The following SHTN1 variants were observed in gnomAD, a reference collection of about 807,000 sequenced individuals.
SHTN1 encodes shootin-1.
A neutral mutation model predicts 83.1 loss-of-function variants in SHTN1; 42 were observed. The ratio of observed to expected loss-of-function variants is 0.51; its 90% CI spans 0.39 to 0.65. The LOEUF is 0.65. Among genes scored for constraint, SHTN1 ranks in the 30% least tolerant of loss-of-function variants. The pLI, the probability that SHTN1 is intolerant of heterozygous loss-of-function variation, is 0.00. For missense variants in SHTN1, 622 were observed against 737.8 expected (o/e 0.84, Z 1.82); for synonymous variants, 224 against 247.7 (o/e 0.90, Z 0.90).
At chr10:116,892,091 C>A (rs1420116904) in intron 16 of SHTN1, among the ~76,000 whole-genome samples, 1 of 152,072 alleles carries the variant, frequency 6.6e-6, no homozygotes, top group Non-Finnish European at 1.5e-5. Context: ...AATGGCTGGG[C>A]AAAGATCTAT....
At chr10:116,966,564 A>C (rs933356173) in intron 3 of SHTN1, among the ~76,000 whole-genome samples, 2 of 152,238 alleles carry the variant, frequency 1.3e-5, no homozygotes, top group Non-Finnish European at 2.9e-5. Flanking sequence ...AAACTATCAA[A>C]GTTATTCAGA....
chr10:116,983,664 ATAGATAGATAGATAGATAGATAAATAC>A (rs2133491644), intron 1 of SHTN1, among the ~76,000 whole-genome samples: 1 of 85,938 alleles, frequency 1.2e-5, no homozygotes, highest in East Asian at 3.9e-4. Flanking sequence ...AGATAGATAG[ATAGATAGATAGATAGATAGATAAATAC>A]ATACATACAT....
chr10:117,061,672 TG>T (rs1333727179), intron 1 of SHTN1, among the ~76,000 whole-genome samples: 1 of 151,952 alleles, frequency 6.6e-6, no homozygotes, highest in Non-Finnish European at 1.5e-5. Context: ...GGTTTCTCTA[TG>T]TTGGTCAGGC....
intron 1 of SHTN1, among the ~76,000 whole-genome samples, chr10:117,077,316 G>A (rs1378521332): frequency 6.6e-6 from 1 of 152,180 alleles, no homozygotes; most frequent in Non-Finnish European, 1.5e-5. Flanking sequence ...AATGACATGT[G>A]ACTTCTGACC....
At chr10:116,957,389 G>A (rs995354996) in intron 4 of SHTN1, among the ~76,000 whole-genome samples, 2 of 150,946 alleles carry the variant, frequency 1.3e-5, no homozygotes, top group African/African-American at 2.4e-5. Context: ...GAGTAACTGC[G>A]ATTACAGGCA....
intron 7 of SHTN1, among the ~76,000 whole-genome samples, chr10:116,948,697 G>A (rs1189813446): frequency 6.6e-6 from 1 of 152,228 alleles, no homozygotes; most frequent in African/African-American, 2.4e-5. Flanking sequence ...AAATGAGTGG[G>A]TTCCTTGTTC....
At chr10:116,966,024 T>C (rs1329964429) in intron 3 of SHTN1, among the ~76,000 whole-genome samples, 2 of 152,184 alleles carry the variant, frequency 1.3e-5, no homozygotes, top group East Asian at 1.9e-4. Flanking sequence ...TGGGGTTTTT[T>C]TGAGACGGAG....
At chr10:116,936,618 G>A (rs967599275) in intron 9 of SHTN1, among the ~76,000 whole-genome samples, 1 of 152,100 alleles carries the variant, frequency 6.6e-6, no homozygotes. Context: ...AGTACGATGT[G>A]GTCCTGAGAA....
intron 5 of SHTN1, 27 bp from the exon 6 acceptor site, chr10:116,952,033 T>C (rs1438377898): frequency 2.6e-6 from 3 of 1,150,722 alleles, no homozygotes; most frequent in South Asian, 2.0e-5. Context: ...AAAAAATATA[T>C]AAATAAACTT....
chr10:116,983,917 T>C (rs1322905076), intron 1 of SHTN1, among the ~76,000 whole-genome samples: 1 of 152,166 alleles, frequency 6.6e-6, no homozygotes, highest in Non-Finnish European at 1.5e-5. Context: ...TTTTCTATTT[T>C]CTAACTCCTC....
At chr10:116,970,121 T>C (rs1393141569) in intron 2 of SHTN1, among the ~76,000 whole-genome samples, 1 of 152,118 alleles carries the variant, frequency 6.6e-6, no homozygotes, top group East Asian at 1.9e-4. Flanking sequence ...GTCTCACCTA[T>C]CGGACTGGCA....
chr10:116,917,096 C>G (rs547930773), intron 12 of SHTN1, among the ~76,000 whole-genome samples: 1 of 152,254 alleles, frequency 6.6e-6, no homozygotes, highest in African/African-American at 2.4e-5. Flanking sequence ...CAAACATCAA[C>G]AAAGGGACAG....
intron 9 of SHTN1, among the ~76,000 whole-genome samples, chr10:116,932,442 C>T (rs948446329): frequency 6.6e-6 from 1 of 152,172 alleles, no homozygotes; most frequent in African/African-American, 2.4e-5. Flanking sequence ...TGAGGTGGTA[C>T]AGTTTCATCC....
At chr10:117,122,791 G>A (rs186095586) in intron 1 of SHTN1, among the ~76,000 whole-genome samples, 3 of 152,224 alleles carry the variant, frequency 2.0e-5, no homozygotes, top group Non-Finnish European at 4.4e-5. Context: ...AGAGAACAGT[G>A]AGAACTCTCA....
chr10:117,031,453 AATATT>A (rs1398873148), intron 2 of SHTN1, among the ~76,000 whole-genome samples: 2 of 152,204 alleles, frequency 1.3e-5, no homozygotes, highest in Non-Finnish European at 1.5e-5. Context: ...AGAAAAACAG[AATATT>A]ATAACACTGT....
chr10:117,025,714 G>A (rs1852325101), intron 2 of SHTN1, among the ~76,000 whole-genome samples: 1 of 152,106 alleles, frequency 6.6e-6, no homozygotes, highest in South Asian at 2.1e-4. Flanking sequence ...TTGCATCTTG[G>A]ATACCAGCTC....
At chr10:116,902,617 T>C (rs1210381680) in intron 15 of SHTN1, among the ~76,000 whole-genome samples, 1 of 152,206 alleles carries the variant, frequency 6.6e-6, no homozygotes, top group Non-Finnish European at 1.5e-5. Context: ...ATCTAAAAAT[T>C]CTGGGCATTG....
chr10:117,084,632 C>A (rs1439897919), intron 1 of SHTN1, among the ~76,000 whole-genome samples: 1 of 152,196 alleles, frequency 6.6e-6, no homozygotes, highest in African/African-American at 2.4e-5. Flanking sequence ...GTCCCTCCCC[C>A]AGCCTCGCTG....
At chr10:117,076,979 T>C (rs548140867) in intron 1 of SHTN1, among the ~76,000 whole-genome samples, 1 of 152,302 alleles carries the variant, frequency 6.6e-6, no homozygotes, top group Non-Finnish European at 1.5e-5. Context: ...TTTATTTTAG[T>C]GGAAGAAAAG....
Sources: allele counts gnomAD v4.1 joint callset (sites outside exome capture counted in the v4.1 genomes callset), GRCh38; gene constraint gnomAD v4.1.1; transcripts MANE v1.5; gene names NCBI Gene and HGNC (gene_info 2026-07-23, HGNC 2026-07-21).